The following FRYL variants were observed in gnomAD, a reference collection of about 807,000 sequenced individuals.
FRYL encodes the protein FRY like transcription coactivator.
Under a neutral mutation model 351.2 loss-of-function variants are expected in FRYL, and 150 were observed. The ratio of observed to expected loss-of-function variants is 0.43; its 90% CI spans 0.37 to 0.49. The LOEUF (loss-of-function observed/expected upper bound fraction) is 0.49, where lower values mean the gene tolerates loss of function less well. FRYL is among the 20% of genes least tolerant of loss of function. The pLI is 0.00. For missense variants in FRYL, 3,036 were observed against 3,619.3 expected, an observed-to-expected ratio of 0.84 and a Z score of 4.13; for synonymous variants, 1,153 against 1,257.1, an observed-to-expected ratio of 0.92 and a Z score of 1.75.
intron 3 of FRYL, chr4:48,637,172 CA>C (rs2149380893): frequency 6.6e-6 from 1 of 152,162 alleles, no homozygotes; most frequent in South Asian, 2.1e-4. Context: ...AGGACATGAA[CA>C]AGCAAGTTAC....
chr4:48,571,750 C>G (rs1327293507), intron 26 of FRYL: 12 of 969,996 alleles, frequency 1.2e-5, no homozygotes, highest in Non-Finnish European at 1.3e-5. Context: ...GATTTCTTAT[C>G]AGTCTTTGAA....
In FRYL at chr4:48,710,642, T is replaced by A. The variant is rs1767896056; in HGVS notation, c.-327A>T. The A allele has an allele frequency of 7.5e-6, 3 of 398,456 alleles. No individual in the cohort carries two copies. Among genetic ancestry groups the A allele is most frequent in the African/African-American group, 2.1e-5 (1 of 48,630 alleles). The allele number at this position is 398,456 out of a possible 1,614,324, so 24.7% of individuals were successfully genotyped here. A position where few individuals can be genotyped will look rare whatever the true frequency, so the allele number is the denominator to read the frequency against. ...ACAGGCACTCGAGTGGGCACACTGG[T>A]ACAAAGCAGTAGTGAGTGAGTCACC... On this transcript the variant is annotated 5_prime_UTR_variant, in exon 2 of 64. Transcript: ENST00000358350.
At chr4:48,690,171 C>T (rs768260039) in intron 2 of FRYL, among the ~76,000 whole-genome samples, 2 of 151,934 alleles carry the variant, frequency 1.3e-5, no homozygotes, top group Non-Finnish European at 2.9e-5. Flanking sequence ...TCCCAAAGTG[C>T]TGGGATTTCA....
At position 48,593,929 on chromosome 4, in the gene FRYL, C is replaced by A; in HGVS notation, c.1335+1G>T. The A allele has an allele frequency of 7.7e-7, 1 of 1,303,396 alleles. No individual in the cohort carries two copies. The highest frequency in any genetic ancestry group is 1.0e-6 in the Non-Finnish European group (1 of 976,066). The allele number at this position is 1,303,396 out of a possible 1,614,324, so 80.7% of individuals were successfully genotyped here. A position where few individuals can be genotyped will look rare whatever the true frequency, so the allele number is the denominator to read the frequency against. ...ATATTATTACATTATAATTTTTTTA[C>A]CTCTGGATTAATGGTGAAAGTTTTA... On this transcript the variant is annotated splice_donor_variant, in intron 16 of 63. Coordinates refer to ENST00000358350, the MANE Select transcript of FRYL (RefSeq NM_015030.2). LOFTEE classifies it high-confidence loss of function.
At position 48,651,213 on chromosome 4, in the gene FRYL, CGTGTGTGTGTGTGT is replaced by C. The variant is rs10604700; in HGVS notation, c.-80-16737_-80-16724del. Among the ~76,000 whole-genome samples, 326 of 104,952 alleles carry C rather than the reference CGTGTGTGTGTGTGT, an allele frequency of 3.1e-3. 3 individuals are homozygous for C. Among genetic ancestry groups the C allele is most frequent in the South Asian group, 0.011 (31 of 2,698 alleles). 68.9% of individuals were successfully genotyped at this position (104,952 alleles called of 152,430 possible). On this transcript the variant is annotated intron_variant, in intron 3 of 63. Coordinates refer to ENST00000358350, the MANE Select transcript of FRYL (RefSeq NM_015030.2). ...CCTGAGTAGCTGGGACCACATGCAC[CGTGTGTGTGTGTGT>C]GTGTGTGTGTGTGTGTGTGTGTGTG...
rs538637017 is a variant in FRYL at position 48,721,964 on chromosome 4, A to C, written c.-383-11266T>G. On this transcript the variant is annotated intron_variant, in intron 1 of 63. Transcript: ENST00000358350. ...CCATATGTACGTTTCTTAGATGCTCAGAAATGGGGAGGCTTTTTTATGGCC... is the reference window on the plus strand; with the variant it reads ...CCATATGTACGTTTCTTAGATGCTCCGAAATGGGGAGGCTTTTTTATGGCC... 9.8e-5 allele frequency among the ~76,000 whole-genome samples: 15 copies of C among 152,314 alleles called. No homozygotes were observed. The South Asian group carries it at 2.3e-3, about 23-fold the overall frequency.
chr4:48,560,080 G>A (rs938556407), intron 33 of FRYL, among the ~76,000 whole-genome samples: 4 of 152,156 alleles, frequency 2.6e-5, no homozygotes, highest in Non-Finnish European at 5.9e-5. Flanking sequence ...GCACAGGGGT[G>A]AGGAAGGGGT....
chr4:48,660,650 T>TC (rs1760508476), intron 3 of FRYL, among the ~76,000 whole-genome samples: 1 of 152,086 alleles, frequency 6.6e-6, no homozygotes, highest in South Asian at 2.1e-4. Flanking sequence ...AATGGGTAAT[T>TC]TCATTATGGA....
intron 1 of FRYL, among the ~76,000 whole-genome samples, chr4:48,721,641 C>T (rs1411974726): frequency 1.3e-5 from 2 of 152,112 alleles, no homozygotes; most frequent in East Asian, 3.8e-4. Context: ...GAGATTCTTG[C>T]TTCCATACAT....
intron 3 of FRYL, among the ~76,000 whole-genome samples, chr4:48,677,683 T>C (rs1328903013): frequency 6.6e-6 from 1 of 152,190 alleles, no homozygotes; most frequent in Non-Finnish European, 1.5e-5. Context: ...ATTGCTGGGA[T>C]TACAAGCGTG....
At chr4:48,643,132 T>A (rs1755654568) in intron 3 of FRYL, among the ~76,000 whole-genome samples, 1 of 152,184 alleles carries the variant, frequency 6.6e-6, no homozygotes, top group Admixed American at 6.5e-5. Flanking sequence ...AATAGTCCTG[T>A]AAACACCAGA....
In FRYL at chr4:48,540,417, C is replaced by T; in HGVS notation, c.6231G>A (p.Val2077=). 1 of 1,613,772 alleles carries T rather than the reference C, an allele frequency of 6.2e-7. No individual in the cohort carries two copies. Among genetic ancestry groups the T allele is most frequent in the Non-Finnish European group, 8.5e-7 (1 of 1,179,722 alleles). Residue 2077 remains valine, a synonymous_variant, in exon 46 of 64, where the codon GTG becomes GTA. Transcript: ENST00000358350. ...CAGAAATGAGTTTACTGAGGAGGTG[C>T]ACGGTCATTTCTTGTGTAGATGCTG... ...FTSASTQEMT[V]HLLSKLISVS...
intron 2 of FRYL, among the ~76,000 whole-genome samples, chr4:48,693,748 T>G (rs1367286098): frequency 1.3e-5 from 2 of 152,148 alleles, no homozygotes; most frequent in Non-Finnish European, 2.9e-5. Context: ...CTACAATGCA[T>G]TTTTCCAAAC....
At chr4:48,665,525 T>C (rs1397299636) in intron 3 of FRYL, among the ~76,000 whole-genome samples, 1 of 152,242 alleles carries the variant, frequency 6.6e-6, no homozygotes, top group East Asian at 1.9e-4. Context: ...ATTTGTATTT[T>C]TATAACATAA....
chr4:48,738,476 G>A (rs184381423), intron 1 of FRYL, among the ~76,000 whole-genome samples: 54 of 152,108 alleles, frequency 3.6e-4, no homozygotes, highest in Admixed American at 3.4e-3. Flanking sequence ...TATGTTCATG[G>A]ATAGGAAGAC....
At chr4:48,557,746 T>G (rs2149031983) in intron 33 of FRYL, 34 bp from the exon 34 acceptor site, 1 of 1,607,340 alleles carries the variant, frequency 6.2e-7, no homozygotes, top group African/African-American at 1.3e-5. Flanking sequence ...ATAACTGATG[T>G]AATTTCAGCT....
chr4:48,698,708 T>C lies in FRYL; in HGVS notation c.-204+11811A>G, dbSNP rs145017057. Among the ~76,000 whole-genome samples, 247 of 152,254 alleles carry C rather than the reference T, an allele frequency of 1.6e-3. 1 individual carries two copies. Among genetic ancestry groups the C allele is most frequent in the African/African-American group, 5.5e-3 (230 of 41,548 alleles). ...AGTTTGGTCACTATGGATGACCATA[T>C]AGAACATGCCACCACAAAGCTTAAT... is the stretch of plus-strand genomic sequence containing the variant. On this transcript the variant is annotated intron_variant, in intron 2 of 63. Coordinates refer to ENST00000358350, the MANE Select transcript of FRYL (RefSeq NM_015030.2).
chr4:48,613,130 T>C (rs1748595465), intron 7 of FRYL, among the ~76,000 whole-genome samples: 1 of 152,194 alleles, frequency 6.6e-6, no homozygotes, highest in Non-Finnish European at 1.5e-5. Flanking sequence ...CAAAATGTTG[T>C]TTGTTTCATA....
intron 63 of FRYL, 51 bp from the exon 64 acceptor site, chr4:48,499,731 A>G: frequency 6.5e-7 from 1 of 1,546,626 alleles, no homozygotes; most frequent in Non-Finnish European, 8.8e-7. Flanking sequence ...AATAGTTAAG[A>G]CTAACTCAAT....
Sources: gnomAD v4.1 joint callset for allele counts (sites outside exome capture counted in the v4.1 genomes callset) on GRCh38, gnomAD v4.1.1 for gene constraint, MANE v1.5 for transcripts, NCBI Gene and HGNC (gene_info 2026-07-23, HGNC 2026-07-21) for gene names.